FOXN3: variants seen among roughly 807,000 people sequenced by gnomAD.
The protein encoded by FOXN3 is forkhead box N3, also known as forkhead box protein N3.
A neutral mutation model predicts 38.4 loss-of-function variants in FOXN3; 7 were observed. The observed-to-expected ratio is 0.18, with a 90% CI of 0.10 to 0.34. The LOEUF (loss-of-function observed/expected upper bound fraction) is 0.34. Among genes scored for constraint, FOXN3 ranks in the 10% least tolerant of loss-of-function variants. The pLI is 1.00. For synonymous variants in FOXN3, 230 were observed against 242.2 expected (o/e 0.95, Z 0.47); for missense variants, 456 against 613.4 (o/e 0.74, Z 2.71).
At chr14:89,543,804 C>T (rs945211137) in intron 1 of FOXN3, among the ~76,000 whole-genome samples, 1 of 152,128 alleles carries the variant, frequency 6.6e-6, no homozygotes, top group East Asian at 1.9e-4. Context: ...TTATCAGAAA[C>T]ACTAGGATTC....
At chr14:89,198,428 G>C (rs1237720943) in intron 4 of FOXN3, among the ~76,000 whole-genome samples, 3 of 152,188 alleles carry the variant, frequency 2.0e-5, no homozygotes, top group Non-Finnish European at 1.5e-5. Context: ...GGATGACTGT[G>C]CTTAGATAAC....
At chr14:89,509,413 C>T (rs1894013370) in intron 1 of FOXN3, among the ~76,000 whole-genome samples, 1 of 152,222 alleles carries the variant, frequency 6.6e-6, no homozygotes, top group African/African-American at 2.4e-5. Context: ...CAGTTCACTG[C>T]AACCTCCACC....
intron 3 of FOXN3, among the ~76,000 whole-genome samples, chr14:89,322,339 C>T (rs1444190804): frequency 6.6e-6 from 1 of 152,166 alleles, no homozygotes; most frequent in East Asian, 1.9e-4. Flanking sequence ...TGGCTTCATT[C>T]ATCTATCAGT....
chr14:89,317,773 C>T (rs1416447211), intron 3 of FOXN3, among the ~76,000 whole-genome samples: 2 of 151,944 alleles, frequency 1.3e-5, no homozygotes, highest in Non-Finnish European at 2.9e-5. Flanking sequence ...TGTTAGGAAC[C>T]GGCTGCACAG....
At chr14:89,488,662 G>A (rs1327216949) in intron 1 of FOXN3, among the ~76,000 whole-genome samples, 2 of 151,168 alleles carry the variant, frequency 1.3e-5, no homozygotes, top group African/African-American at 4.9e-5. Context: ...TTACTTTTCT[G>A]TACTTTCGGC....
At chr14:89,274,850 A>G (rs552289044) in intron 4 of FOXN3, among the ~76,000 whole-genome samples, 22 of 152,224 alleles carry the variant, frequency 1.4e-4, no homozygotes, top group Non-Finnish European at 2.9e-4. Flanking sequence ...GGCTCTGGGC[A>G]TCCTCAGCCT....
intron 3 of FOXN3, among the ~76,000 whole-genome samples, chr14:89,299,467 C>CAG (rs1326105136): frequency 6.6e-6 from 1 of 152,218 alleles, no homozygotes; most frequent in African/African-American, 2.4e-5. Flanking sequence ...ACTAATTCAG[C>CAG]AGCCCTTCAA....
intron 2 of FOXN3, among the ~76,000 whole-genome samples, chr14:89,373,633 G>A (rs1228255288): frequency 6.6e-6 from 1 of 152,120 alleles, no homozygotes; most frequent in Non-Finnish European, 1.5e-5. Flanking sequence ...ATGAAGTTAG[G>A]GGCTGTCTCT....
At chr14:89,345,063 C>T (rs1400947109) in intron 3 of FOXN3, among the ~76,000 whole-genome samples, 1 of 151,044 alleles carries the variant, frequency 6.6e-6, no homozygotes, top group African/African-American at 2.4e-5. Context: ...TGGCGTGGCT[C>T]GGTGTGCATG....
At chr14:89,611,582 G>A (rs1445782071) in intron 1 of FOXN3, among the ~76,000 whole-genome samples, 2 of 152,144 alleles carry the variant, frequency 1.3e-5, no homozygotes, top group South Asian at 2.1e-4. Flanking sequence ...CAAGGCGGGC[G>A]GATCACAAGG....
chr14:89,430,028 C>T (rs1892122856), intron 1 of FOXN3, among the ~76,000 whole-genome samples: 1 of 152,182 alleles, frequency 6.6e-6, no homozygotes, highest in Non-Finnish European at 1.5e-5. Context: ...ACAGCTGTTA[C>T]ACATTTATTT....
At chr14:89,348,736 A>G (rs1374700049) in intron 3 of FOXN3, among the ~76,000 whole-genome samples, 1 of 151,924 alleles carries the variant, frequency 6.6e-6, no homozygotes, top group East Asian at 1.9e-4. Flanking sequence ...TTCGGAAATG[A>G]TTTTCATTAC....
intron 3 of FOXN3, among the ~76,000 whole-genome samples, chr14:89,334,760 T>C (rs1402508090): frequency 6.8e-6 from 1 of 146,380 alleles, no homozygotes; most frequent in East Asian, 1.9e-4. Flanking sequence ...TGTTTTGTTT[T>C]GAGACAGAAT....
At chr14:89,393,048 G>T (rs928531708) in intron 2 of FOXN3, among the ~76,000 whole-genome samples, 15 of 151,586 alleles carry the variant, frequency 9.9e-5, no homozygotes, top group Admixed American at 3.9e-4. Context: ...CTCGTGATCC[G>T]CCCACTTCGG....
chr14:89,490,861 A>G (rs1001372277), intron 1 of FOXN3, among the ~76,000 whole-genome samples: 3 of 152,270 alleles, frequency 2.0e-5, no homozygotes, highest in Admixed American at 2.0e-4. Flanking sequence ...TCAGTTAAAT[A>G]CAACAGTTCC....
At chr14:89,566,838 TCCTCCTCCA>T (rs1895363024) in intron 1 of FOXN3, among the ~76,000 whole-genome samples, 1 of 151,646 alleles carries the variant, frequency 6.6e-6, no homozygotes, top group Admixed American at 6.6e-5. Context: ...TTCCTCCTCC[TCCTCCTCCA>T]CCTCCTCTTA....
intron 5 of FOXN3, among the ~76,000 whole-genome samples, chr14:89,172,703 A>G (rs1274696088): frequency 2.0e-5 from 3 of 152,178 alleles, no homozygotes; most frequent in Non-Finnish European, 4.4e-5. Context: ...AAACCCACAA[A>G]TAGAAAGAAA....
chr14:89,511,763 C>T lies in FOXN3; in HGVS notation c.-14-99273G>A, dbSNP rs537437388. 6.6e-5 allele frequency among the ~76,000 whole-genome samples: 10 copies of T among 152,144 alleles called. No individual in the cohort carries two copies. In the South Asian group the frequency reaches 1.7e-3, roughly 25 times the overall value. ...ATAAAGAAAAGAAGTTTAATTGACT[C>T]ACGGTTCTGCAGGGCTGGGGAGGCC... On this transcript the variant is annotated intron_variant, in intron 1 of 6. Coordinates refer to the FOXN3 transcript ENST00000345097.
intron 1 of FOXN3, among the ~76,000 whole-genome samples, chr14:89,506,521 C>T: frequency 6.6e-6 from 1 of 150,612 alleles, no homozygotes; most frequent in African/African-American, 2.4e-5. Flanking sequence ...AGCCCCCCGC[C>T]TGGCCAGCCA....
Sources: allele counts gnomAD v4.1 joint callset (sites outside exome capture counted in the v4.1 genomes callset), GRCh38; gene constraint gnomAD v4.1.1; transcripts MANE v1.5; gene names NCBI Gene and HGNC (gene_info 2026-07-23, HGNC 2026-07-21).